The following CLPB variants were observed in gnomAD, a reference collection of about 807,000 sequenced individuals.
The protein encoded by CLPB is mitochondrial disaggregase.
A neutral mutation model predicts 78.4 loss-of-function variants in CLPB; 40 were observed. The ratio of observed to expected loss-of-function variants is 0.51; its 90% confidence interval spans 0.40 to 0.66. CLPB has a LOEUF of 0.66. Among genes scored for constraint, CLPB ranks in the 30% least tolerant of loss-of-function variants. CLPB has a pLI of 0.00. For missense variants in CLPB, 780 were observed against 886.9 expected, an observed-to-expected ratio of 0.88 and a Z score of 1.53; for synonymous variants, 333 against 348.0, an observed-to-expected ratio of 0.96 and a Z score of 0.48.
At chr11:72,360,324 C>G (rs1046159047) in intron 4 of CLPB, among the ~76,000 whole-genome samples, 3 of 152,190 alleles carry the variant, frequency 2.0e-5, no homozygotes, top group South Asian at 2.1e-4. Flanking sequence ...GTCAAAAGCA[C>G]CAGACAATTC....
At chr11:72,325,174 A>G (rs1484470983) in intron 6 of CLPB, among the ~76,000 whole-genome samples, 2 of 152,174 alleles carry the variant, frequency 1.3e-5, no homozygotes, top group Non-Finnish European at 2.9e-5. Flanking sequence ...CAACAGAGAT[A>G]TATTTCTACC....
At chr11:72,402,839 T>A in intron 3 of CLPB, 127 bp downstream of exon 3, 3 of 702,162 alleles carry the variant, frequency 4.3e-6, no homozygotes, top group Non-Finnish European at 7.5e-6. Context: ...GTCCAGTACC[T>A]CAGTCTGAAT....
chr11:72,332,561 A>T (rs952147391), intron 5 of CLPB, among the ~76,000 whole-genome samples: 3 of 152,184 alleles, frequency 2.0e-5, no homozygotes, highest in African/African-American at 7.2e-5. Context: ...TATACAATTC[A>T]GTGGTTTAAA....
chr11:72,336,813 G>C (rs189325372), intron 5 of CLPB: 74 of 340,428 alleles, frequency 2.2e-4, no homozygotes, highest in Admixed American at 1.3e-3. Flanking sequence ...GAAACATTGA[G>C]AGAGAGAGTG....
chr11:72,294,870 G>A lies in CLPB; in HGVS notation c.1487-177C>T, dbSNP rs143882511. The stretch of plus-strand genomic sequence containing the variant: ...TCTCCTCCTCTGACCAGGCACTTTC[G>A]GAGGCCTTTCCAGCTCTCAAGTGTA... On this transcript the variant is annotated intron_variant, in intron 12 of 15. Coordinates refer to ENST00000538039, the MANE Select transcript of CLPB (RefSeq NM_001258392.3). 2.8e-3 allele frequency among the ~76,000 whole-genome samples: 425 copies of A among 152,288 alleles called. 2 individuals are homozygous for A. Among genetic ancestry groups the A allele is most frequent in the Middle Eastern group, 6.8e-3 (2 of 294 alleles).
At chr11:72,421,204 T>G (rs1856187846) in intron 2 of CLPB, among the ~76,000 whole-genome samples, 1 of 152,214 alleles carries the variant, frequency 6.6e-6, no homozygotes, top group East Asian at 1.9e-4. Context: ...TATACCTGGC[T>G]GGTATCCATG....
At position 72,422,923 on chromosome 11, in the gene CLPB, C is replaced by T. The variant is rs184738178; in HGVS notation, c.455+7389G>A. On this transcript the variant is annotated intron_variant, in intron 2 of 15. Coordinates refer to ENST00000538039, the MANE Select transcript of CLPB (RefSeq NM_001258392.3). ...GACAGCAAGTGCCTCAAGCCCCAAG[C>T]TGGGGCATCCAGGGACGAGAACCAA... 3.8e-3 allele frequency among the ~76,000 whole-genome samples: 582 copies of T among 152,328 alleles called. 2 individuals carry two copies. Among genetic ancestry groups the T allele is most frequent in the Non-Finnish European group, 4.7e-3 (322 of 68,024 alleles).
intron 6 of CLPB, among the ~76,000 whole-genome samples, chr11:72,317,906 A>G (rs1949977413): frequency 6.6e-6 from 1 of 152,218 alleles, no homozygotes; most frequent in Non-Finnish European, 1.5e-5. Flanking sequence ...CAGCAGGAGA[A>G]GCCTAAGCTT....
intron 5 of CLPB, among the ~76,000 whole-genome samples, chr11:72,338,774 A>G (rs1950366877): frequency 6.6e-6 from 1 of 152,230 alleles, no homozygotes; most frequent in Non-Finnish European, 1.5e-5. Flanking sequence ...AGGAATGATG[A>G]TGATCACTAG....
intron 11 of CLPB, among the ~76,000 whole-genome samples, chr11:72,297,700 T>TGTGTGTGTGA (rs1294715631): frequency 1.6e-4 from 20 of 121,966 alleles, no homozygotes; most frequent in Non-Finnish European, 2.0e-4. Context: ...TGTGTGTGTG[T>TGTGTGTGTGA]GTGACATGTC....
In CLPB at chr11:72,312,741, A is replaced by C. The variant is rs958217915; in HGVS notation, c.989-4137T>G. Among the ~76,000 whole-genome samples the C allele has an allele frequency of 1.6e-4, 24 of 152,178 alleles. 1 individual carries two copies. Among genetic ancestry groups the C allele is most frequent in the Non-Finnish European group, 3.5e-4 (24 of 68,024 alleles). On this transcript the variant is annotated intron_variant, in intron 7 of 15. Transcript: ENST00000538039. The surrounding 1 kb of genome is among the most constrained non-coding windows in gnomAD (Gnocchi z 4.2). ...TCTAAATCCTTCTCCAGGAAGCCTT[A>C]TGTATTTGTTTAGCAAAAAAGCTCT...
intron 9 of CLPB, chr11:72,304,000 C>G (rs1319351220): frequency 6.6e-6 from 1 of 152,222 alleles, no homozygotes; most frequent in Non-Finnish European, 1.5e-5. Context: ...ACAGTCTTCA[C>G]CTTGAAGGGT....
intron 10 of CLPB, 124 bp from the exon 11 acceptor site, chr11:72,302,088 C>T: frequency 8.9e-7 from 1 of 1,118,540 alleles, no homozygotes; most frequent in South Asian, 1.5e-5. Context: ...AGATGATTGG[C>T]TGTCCATCTC....
In CLPB at chr11:72,295,472, G is replaced by A. The variant is rs751990548; in HGVS notation, c.1486+20C>T. ...GGTGGCTTGGTCACTGGACCAGACTGCTCAGGTCAGCCGCCATACCCAGGT... is the reference window on the plus strand; with the variant it reads ...GGTGGCTTGGTCACTGGACCAGACTACTCAGGTCAGCCGCCATACCCAGGT... On this transcript the variant is annotated intron_variant, in intron 12 of 15. Coordinates refer to ENST00000538039, the MANE Select transcript of CLPB (RefSeq NM_001258392.3). 6.2e-7 allele frequency: 1 copy of A among 1,612,034 alleles called. No individual in the cohort carries two copies. The highest frequency in any genetic ancestry group is 1.1e-5 in the South Asian group (1 of 90,900).
intron 2 of CLPB, among the ~76,000 whole-genome samples, chr11:72,424,913 A>C (rs1180027164): frequency 6.6e-6 from 1 of 151,580 alleles, no homozygotes; most frequent in Non-Finnish European, 1.5e-5. Flanking sequence ...ACAAAAAAAA[A>C]CACAAAAAAA....
In CLPB at chr11:72,295,511, GT is replaced by G; in HGVS notation, c.1466del (p.Asn489ThrfsTer12). 6.2e-7 allele frequency: 1 copy of G among 1,614,186 alleles called. No homozygotes were observed. The highest frequency in any genetic ancestry group is 1.3e-5 in the African/African-American group (1 of 75,040). ...CCATACCCAGGTTTTCGGCAATACGGTTACGGCTCATCTCCAAAGCTTCCTG... is the reference window on the plus strand; with the variant it reads ...CCATACCCAGGTTTTCGGCAATACGGTACGGCTCATCTCCAAAGCTTCCTG... ...LRQEALEMSR[N>X]RIAENLGDVQ... On this transcript the variant is annotated frameshift_variant, in exon 12 of 16. Transcript: ENST00000538039. LOFTEE classifies it high-confidence loss of function.
intron 6 of CLPB, among the ~76,000 whole-genome samples, chr11:72,326,783 G>C (rs1950140861): frequency 6.6e-6 from 1 of 152,150 alleles, no homozygotes; most frequent in South Asian, 2.1e-4. Flanking sequence ...GAAGAAACCA[G>C]GTCTAAAATG....
chr11:72,316,396 A>G (rs1260169476), intron 7 of CLPB, among the ~76,000 whole-genome samples: 1 of 152,160 alleles, frequency 6.6e-6, no homozygotes, highest in African/African-American at 2.4e-5. Flanking sequence ...CCCTTGCCTC[A>G]TCTATCTGAA....
chr11:72,367,888 C>T (rs1950974187), intron 4 of CLPB, among the ~76,000 whole-genome samples: 1 of 151,854 alleles, frequency 6.6e-6, no homozygotes, highest in South Asian at 2.1e-4. Flanking sequence ...CATTTTCTTT[C>T]TTTTTTTATT....
Sources: allele counts gnomAD v4.1 joint callset (sites outside exome capture counted in the v4.1 genomes callset), GRCh38; gene constraint gnomAD v4.1.1; non-coding constraint Gnocchi (gnomAD v3.1); transcripts MANE v1.5; gene names NCBI Gene and HGNC (gene_info 2026-07-23, HGNC 2026-07-21).